The following MCPH1 variants were observed in gnomAD, a reference collection of about 807,000 sequenced individuals.
The protein encoded by MCPH1 is microcephalin 1.
MCPH1 carries 104 observed loss-of-function variants against 84.5 expected under a neutral mutation model. The observed-to-expected ratio is 1.23, with a 90% CI of 1.05 to 1.45. The LOEUF (loss-of-function observed/expected upper bound fraction) is 1.45, where lower values mean the gene tolerates loss of function less well. Among genes scored for constraint, MCPH1 ranks in the 40% most tolerant of loss-of-function variants. The pLI, the probability that MCPH1 is intolerant of heterozygous loss-of-function variation, is 0.00. For missense variants in MCPH1, 1,498 were observed against 1,005.7 expected (o/e 1.49, Z -6.62); for synonymous variants, 514 against 366.8 (o/e 1.40, Z -4.58).
At chr8:6,639,324 G>A (rs541044177) in intron 13 of MCPH1, among the ~76,000 whole-genome samples, 2 of 152,174 alleles carry the variant, frequency 1.3e-5, no homozygotes, top group Non-Finnish European at 1.5e-5. Flanking sequence ...AATAAAGATA[G>A]AAGTGTATCT....
intron 12 of MCPH1, chr8:6,532,428 T>A (rs757673330): frequency 3.1e-6 from 5 of 1,613,906 alleles, no homozygotes; most frequent in Non-Finnish European, 4.2e-6. Context: ...GGTTCTGTAC[T>A]GCATTCTGCT....
At chr8:6,605,750 T>A (rs556905968) in intron 12 of MCPH1, among the ~76,000 whole-genome samples, 1 of 152,076 alleles carries the variant, frequency 6.6e-6, no homozygotes, top group Non-Finnish European at 1.5e-5. Flanking sequence ...CAGGCTGGAG[T>A]GCAGTGGCAC....
Position 6,529,730 on chromosome 8 carries a change from G to A in MCPH1, c.2214+29801G>A, listed in dbSNP as rs557934940. The stretch of plus-strand genomic sequence containing the variant: ...TCCACCCACCTCGGCCTCTCAAAGT[G>A]CTAGGATTATAGATCTGAGCAAGCG... On this transcript the variant is annotated intron_variant, in intron 12 of 13. Coordinates refer to ENST00000344683, the MANE Select transcript of MCPH1 (RefSeq NM_024596.5). Among the ~76,000 whole-genome samples, 4 of 150,702 alleles carry A rather than the reference G, an allele frequency of 2.7e-5. No individual in the cohort carries two copies. The South Asian group carries it at 8.4e-4, about 32-fold the overall frequency.
At chr8:6,419,164 C>G (rs796829673) in intron 3 of MCPH1, among the ~76,000 whole-genome samples, 20 of 29,372 alleles carry the variant, frequency 6.8e-4, no homozygotes, top group Admixed American at 2.1e-3. Context: ...CACACACACA[C>G]ACACACACAC....
intron 12 of MCPH1, among the ~76,000 whole-genome samples, chr8:6,557,971 C>A (rs73507189): frequency 0.043 from 6,529 of 152,222 alleles, 373 homozygotes; most frequent in African/African-American, 0.13. Flanking sequence ...CGTCCTCCCC[C>A]TCTTCCTCAT....
chr8:6,480,964 C>T (rs1420338377), intron 11 of MCPH1, 88 bp downstream of exon 11: 31 of 1,447,008 alleles, frequency 2.1e-5, no homozygotes, highest in Middle Eastern at 2.4e-4. Context: ...GCACTCAGGC[C>T]GGCGTGCACC....
intron 1 of MCPH1, 121 bp downstream of exon 1, chr8:6,406,810 CT>C: frequency 9.0e-7 from 1 of 1,111,168 alleles, no homozygotes; most frequent in East Asian, 2.5e-5. Context: ...CGCTGCCTGT[CT>C]CCCCCAGACC....
At chr8:6,474,388 G>C (rs879621175) in intron 9 of MCPH1, 1 of 309,640 alleles carries the variant, frequency 3.2e-6, no homozygotes, top group Admixed American at 4.7e-5. Context: ...ACTGAACTCA[G>C]GGAGTCTGTG....
chr8:6,519,477 A>G (rs545472766), intron 12 of MCPH1, among the ~76,000 whole-genome samples: 43 of 152,364 alleles, frequency 2.8e-4, no homozygotes, highest in African/African-American at 1.0e-3. Flanking sequence ...TATTAATTTC[A>G]TGACACCTCT....
chr8:6,406,860 A>C (rs1022636359), intron 1 of MCPH1, among the ~76,000 whole-genome samples, 171 bp downstream of exon 1: 1 of 4,184 alleles, frequency 2.4e-4, no homozygotes, highest in African/African-American at 5.5e-4. Flanking sequence ...CTGTCCCACC[A>C]AAACCCCCTG....
chr8:6,621,631 G>T lies in MCPH1; in HGVS notation c.2392G>T (p.Gly798Trp). Reference protein sequence around the residue: ...QVPRQASIVIGPYSGKKKATV... With the variant: ...QVPRQASIVIWPYSGKKKATV... ...CCCCCGCCAGGCCAGCATCGTCATC[G>T]GGCCCTACAGCGGAAAGAAGAAAGC... The change falls in exon 13 of 14, where the codon GGG (glycine) becomes TGG (tryptophan). Residue 798 changes from glycine to tryptophan, a missense_variant. Coordinates refer to ENST00000344683, the MANE Select transcript of MCPH1 (RefSeq NM_024596.5). 1 of 1,614,188 alleles carries T rather than the reference G, an allele frequency of 6.2e-7. No individual in the cohort carries two copies. Among genetic ancestry groups the T allele is most frequent in the South Asian group, 1.1e-5 (1 of 91,076 alleles).
intron 12 of MCPH1, chr8:6,514,823 C>T (rs939969347): frequency 2.0e-6 from 3 of 1,531,298 alleles, no homozygotes; most frequent in South Asian, 1.1e-5. Flanking sequence ...CCCCCCCACT[C>T]CCCCCTTACG....
At chr8:6,560,546 A>G (rs1695974585) in intron 12 of MCPH1, among the ~76,000 whole-genome samples, 1 of 152,194 alleles carries the variant, frequency 6.6e-6, no homozygotes, top group Non-Finnish European at 1.5e-5. Flanking sequence ...TGCCTTTCTC[A>G]GGTGCACGTT....
chr8:6,587,158 C>A (rs1465936761), intron 12 of MCPH1, among the ~76,000 whole-genome samples: 1 of 152,016 alleles, frequency 6.6e-6, no homozygotes, highest in Non-Finnish European at 1.5e-5. Flanking sequence ...ATTATATAGA[C>A]CAGAAGGGTG....
intron 12 of MCPH1, among the ~76,000 whole-genome samples, chr8:6,597,194 T>C (rs1190855009): frequency 6.6e-6 from 1 of 152,124 alleles, no homozygotes; most frequent in Non-Finnish European, 1.5e-5. Context: ...GAGGAGCAAA[T>C]GGATGAGCCT....
At chr8:6,642,648 A>G (rs1798008791) in intron 13 of MCPH1, 1 of 400,166 alleles carries the variant, frequency 2.5e-6, no homozygotes, top group African/African-American at 2.1e-5. Flanking sequence ...GTGGTGAGCT[A>G]AGATTAGAAA....
chr8:6,458,837 G>A (rs528910658), intron 9 of MCPH1, among the ~76,000 whole-genome samples: 1 of 152,134 alleles, frequency 6.6e-6, no homozygotes, highest in South Asian at 2.1e-4. Context: ...GTAGAGATGG[G>A]GTTTCACCAT....
Position 6,445,123 on chromosome 8 carries a change from A to AACCAGAACAGTTGACATTACCAATTTC in MCPH1, c.1404_1430dup (p.Arg469_Thr477dup). On this transcript the variant is annotated inframe_insertion, in exon 8 of 14. Transcript: ENST00000344683. ...CTGATTTTTCCTGCGTTGGCAAAAA[A>AACCAGAACAGTTGACATTACCAATTTC]ACCAGAACAGTTGACATTACCAATT... The AACCAGAACAGTTGACATTACCAATTTC allele has an allele frequency of 4.3e-6, 7 of 1,614,270 alleles. No homozygotes were observed. Among genetic ancestry groups the AACCAGAACAGTTGACATTACCAATTTC allele is most frequent in the Non-Finnish European group, 5.1e-6 (6 of 1,180,050 alleles).
intron 12 of MCPH1, among the ~76,000 whole-genome samples, chr8:6,615,221 T>C (rs575149236): frequency 6.6e-6 from 1 of 152,330 alleles, no homozygotes; most frequent in South Asian, 2.1e-4. Context: ...CGTGAGGAAC[T>C]GTCTTTCTGC....
Sources: allele counts gnomAD v4.1 joint callset (sites outside exome capture counted in the v4.1 genomes callset), GRCh38; gene constraint gnomAD v4.1.1; transcripts MANE v1.5; gene names NCBI Gene and HGNC (gene_info 2026-07-23, HGNC 2026-07-21).